SYCP2: variants seen among roughly 807,000 people sequenced by gnomAD.
SYCP2 encodes the protein synaptonemal complex lateral element protein.
In SYCP2, 55 loss-of-function variants were observed where a neutral mutation model predicts 211.3. That is an observed-to-expected ratio of 0.26 (90% CI 0.21 to 0.33). The LOEUF is 0.33. SYCP2 is among the 10% of genes least tolerant of loss of function. The probability of loss-of-function intolerance (pLI) is 1.00; values close to 1 mark genes in which losing one functional copy is unlikely to be tolerated. For missense variants in SYCP2, 1,731 were observed against 1,752.0 expected, an observed-to-expected ratio of 0.99 and a Z score of 0.21; for synonymous variants, 570 against 555.2, an observed-to-expected ratio of 1.03 and a Z score of -0.37.
intron 29 of SYCP2, 34 bp downstream of exon 29, chr20:59,881,402 AG>A: frequency 8.8e-7 from 1 of 1,142,158 alleles, no homozygotes; most frequent in Non-Finnish European, 1.2e-6. Context: ...AGAAAAAAAA[AG>A]ATCAGAATAT....
chr20:59,920,182 T>C (rs932941166), intron 5 of SYCP2, among the ~76,000 whole-genome samples, 177 bp downstream of exon 5: 5 of 151,914 alleles, frequency 3.3e-5, no homozygotes, highest in African/African-American at 9.6e-5. Context: ...TCTGTCTTTG[T>C]ACAGTTTGTG....
intron 35 of SYCP2, among the ~76,000 whole-genome samples, chr20:59,870,288 G>C (rs1195404544): frequency 2.6e-5 from 4 of 151,682 alleles, no homozygotes; most frequent in African/African-American, 9.7e-5. Context: ...TAATCTTCAT[G>C]TGTAACAGTT....
chr20:59,923,349 A>G (rs2060575183), intron 2 of SYCP2, among the ~76,000 whole-genome samples: 1 of 151,930 alleles, frequency 6.6e-6, no homozygotes, highest in South Asian at 2.1e-4. Context: ...TTTGTAGAAT[A>G]TGCATAATTA....
chr20:59,916,263 G>T (rs2060440238), intron 8 of SYCP2, among the ~76,000 whole-genome samples: 1 of 152,010 alleles, frequency 6.6e-6, no homozygotes, highest in Admixed American at 6.6e-5. Context: ...CAAAAATCTG[G>T]TTGGTATAAT....
chr20:59,869,893 T>G lies in SYCP2; in HGVS notation c.3646A>C (p.Ser1216Arg), dbSNP rs764152345. ...VLTQETQNSNSYSDVSSYSSE... is the reference protein window; with the variant it reads ...VLTQETQNSNRYSDVSSYSSE... ...CTATAACTGCTTACATCTGAATAGC[T>G]GTTACTGTTTTGTGTTTCTTGTGTA... The change falls in exon 36 of 45, where the codon AGC becomes CGC. Residue 1216 changes from serine to arginine, a missense_variant. Ser to Arg is a moderately radical substitution (Grantham distance 110, BLOSUM62 -1). This residue lies in a region of SYCP2 where 1,387 missense variants were observed against 1,351.3 expected (regional missense o/e 1.03). Coordinates refer to ENST00000357552, the MANE Select transcript of SYCP2 (RefSeq NM_014258.4). 4.4e-6 allele frequency: 7 copies of G among 1,604,130 alleles called. No homozygotes were observed. In the Admixed American group the frequency reaches 1.2e-4, roughly 27 times the overall value.
chr20:59,900,787 G>A lies in SYCP2; in HGVS notation c.1214C>T (p.Ala405Val). ...ESIRKQGISV[A>V]KTSLHILFDA... ...AAAAAGTATATGCAGCGACGTTTTG[G>A]CAACTGAAATACCTTGTTTTCTGAT... is the stretch of plus-strand genomic sequence containing the variant. Residue 405 changes from alanine to valine, a missense_variant, in exon 17 of 45, where the codon GCC becomes GTC. By Grantham distance (64) the Ala-to-Val change is moderately conservative. This residue lies in a region of SYCP2 where 1,387 missense variants were observed against 1,351.3 expected (regional missense o/e 1.03). Transcript: ENST00000357552. 1.2e-6 allele frequency: 2 copies of A among 1,612,432 alleles called. No homozygotes were observed. The highest frequency in any genetic ancestry group is 2.7e-5 in the African/African-American group (2 of 74,944).
chr20:59,919,952 A>G (rs2060510384), intron 5 of SYCP2, among the ~76,000 whole-genome samples: 1 of 151,692 alleles, frequency 6.6e-6, no homozygotes, highest in Admixed American at 6.6e-5. Flanking sequence ...ATATTATTTT[A>G]CCTTAATTTA....
chr20:59,866,222 A>G, intron 41 of SYCP2, 71 bp downstream of exon 41: 2 of 975,940 alleles, frequency 2.0e-6, no homozygotes, highest in Non-Finnish European at 3.0e-6. Flanking sequence ...CCAAAAAAGA[A>G]AGTTTTTCCA....
Position 59,892,309 on chromosome 20 carries a change from A to G in SYCP2, c.2045T>C (p.Ile682Thr), listed in dbSNP as rs754125572. The change falls in exon 24 of 45, where the codon ATA (isoleucine) becomes ACA (threonine). Residue 682 changes from isoleucine to threonine, a missense_variant. Ile to Thr is a moderately conservative substitution (Grantham distance 89, BLOSUM62 -1). This residue lies in a region of SYCP2 where 1,387 missense variants were observed against 1,351.3 expected (regional missense o/e 1.03). Coordinates refer to ENST00000357552, the MANE Select transcript of SYCP2 (RefSeq NM_014258.4). ...YKKEQTDHIKIDKAEVEVCKK... is the reference protein window; with the variant it reads ...YKKEQTDHIKTDKAEVEVCKK... ...GCAAACTTCTACTTCTGCTTTATCTATTTTGATATGGTCGGTTTGTTCTTT... is the reference window on the plus strand; with the variant it reads ...GCAAACTTCTACTTCTGCTTTATCTGTTTTGATATGGTCGGTTTGTTCTTT... 13 of 1,611,738 alleles carry G rather than the reference A, an allele frequency of 8.1e-6. No homozygotes were observed. The African/African-American group carries it at 1.6e-4, about 20-fold the overall frequency.
At chr20:59,877,759 C>T (rs1475961063) in intron 32 of SYCP2, among the ~76,000 whole-genome samples, 2 of 151,974 alleles carry the variant, frequency 1.3e-5, no homozygotes, top group Non-Finnish European at 2.9e-5. Flanking sequence ...CCATTAAGTC[C>T]CTGAGAAGCC....
In SYCP2 at chr20:59,896,508, T is replaced by C; in HGVS notation, c.1425A>G (p.Arg475=). 6.2e-7 allele frequency: 1 copy of C among 1,609,326 alleles called. No homozygotes were observed. The highest frequency in any genetic ancestry group is 8.5e-7 in the Non-Finnish European group (1 of 1,176,712). ...SQLEKTTPSK[R]KMSEASMIVS... Reference sequence around the variant, plus strand: ...CAATCATTGATGCTTCAGACATTTTTCTTTTGCTAGGAGTAGTTTTCTGAA... The same window carrying C: ...CAATCATTGATGCTTCAGACATTTTCCTTTTGCTAGGAGTAGTTTTCTGAA... The change falls in exon 19 of 45, where the codon AGA becomes AGG. Residue 475 remains arginine, a synonymous_variant. Coordinates refer to ENST00000357552, the MANE Select transcript of SYCP2 (RefSeq NM_014258.4).
At chr20:59,931,775 A>C (rs2060747101) in intron 2 of SYCP2, among the ~76,000 whole-genome samples, 1 of 152,166 alleles carries the variant, frequency 6.6e-6, no homozygotes, top group South Asian at 2.1e-4. Context: ...CAAGGAAAGC[A>C]AACTGAATAA....
chr20:59,868,098 T>C (rs1334801084), intron 38 of SYCP2, among the ~76,000 whole-genome samples: 2 of 151,804 alleles, frequency 1.3e-5, no homozygotes, highest in Non-Finnish European at 2.9e-5. Context: ...CATTTATGGA[T>C]TATTTTTAAC....
chr20:59,900,298 T>C lies in SYCP2; in HGVS notation c.1258-14A>G. 6.4e-7 allele frequency: 1 copy of C among 1,568,152 alleles called. No individual in the cohort carries two copies. Among genetic ancestry groups the C allele is most frequent in the Non-Finnish European group, 8.6e-7 (1 of 1,164,252 alleles). On this transcript the variant is annotated splice_polypyrimidine_tract_variant and intron_variant, in intron 17 of 44. Coordinates refer to ENST00000357552, the MANE Select transcript of SYCP2 (RefSeq NM_014258.4). ...TGGCACTAGAATCTGTTGGAGAATA[T>C]GAAAAAAAAAGTATTTAAAACTGCA...
At chr20:59,905,469 C>CT (rs1311835073) in intron 15 of SYCP2, among the ~76,000 whole-genome samples, 1 of 152,006 alleles carries the variant, frequency 6.6e-6, no homozygotes, top group Admixed American at 6.6e-5. Context: ...ATGCTTGAAT[C>CT]TTTTTTTAAA....
intron 6 of SYCP2, 39 bp from the exon 7 acceptor site, chr20:59,919,221 A>G (rs766739027): frequency 9.8e-7 from 1 of 1,019,450 alleles, no homozygotes; most frequent in Non-Finnish European, 1.5e-6. Context: ...ACAAGTTACT[A>G]TATATTACAA....
At chr20:59,929,259 G>A (rs560940934) in intron 2 of SYCP2, among the ~76,000 whole-genome samples, 14 of 152,140 alleles carry the variant, frequency 9.2e-5, no homozygotes, top group Middle Eastern at 3.4e-3. Flanking sequence ...ATACTACGAA[G>A]TCACAGTGGG....
intron 24 of SYCP2, among the ~76,000 whole-genome samples, chr20:59,887,590 T>C (rs183612831): frequency 5.3e-4 from 81 of 152,264 alleles, no homozygotes; most frequent in African/African-American, 1.9e-3. Flanking sequence ...TCCACAATGG[T>C]TGAACGAGTT....
At chr20:59,916,153 CAA>C (rs1022129286) in intron 8 of SYCP2, among the ~76,000 whole-genome samples, 13 of 151,818 alleles carry the variant, frequency 8.6e-5, no homozygotes, top group African/African-American at 2.7e-4. Flanking sequence ...CTGAGGAAGC[CAA>C]AAAATGTTAC....
Sources: allele counts gnomAD v4.1 joint callset (sites outside exome capture counted in the v4.1 genomes callset), GRCh38; gene constraint gnomAD v4.1.1; regional missense constraint gnomAD v4.1.1; transcripts MANE v1.5; gene names NCBI Gene and HGNC (gene_info 2026-07-23, HGNC 2026-07-21).